Variants in MACROD2 observed in about 807,000 individuals in gnomAD.
The protein encoded by MACROD2 is mono-ADP ribosylhydrolase 2.
Under a neutral mutation model 70.4 loss-of-function variants are expected in MACROD2, and 36 were observed. That is an observed-to-expected ratio of 0.51 (90% CI 0.39 to 0.68). The LOEUF (loss-of-function observed/expected upper bound fraction) is 0.68, where lower values mean the gene tolerates loss of function less well. Among genes scored for constraint, MACROD2 ranks in the 30% least tolerant of loss-of-function variants. The probability of loss-of-function intolerance (pLI) is 0.00; values close to 1 mark genes in which losing one functional copy is unlikely to be tolerated. For missense variants in MACROD2, 496 were observed against 538.4 expected (o/e 0.92, Z 0.78); for synonymous variants, 172 against 178.8 (o/e 0.96, Z 0.30).
chr20:14,477,688 CATT>C (rs1386233441), intron 3 of MACROD2, among the ~76,000 whole-genome samples: 1 of 151,970 alleles, frequency 6.6e-6, no homozygotes, highest in Admixed American at 6.6e-5. Context: ...ACACTGGCAT[CATT>C]ATCGTTAATA....
intron 5 of MACROD2, among the ~76,000 whole-genome samples, chr20:14,895,799 A>G (rs998345953): frequency 1.8e-4 from 27 of 152,160 alleles, no homozygotes; most frequent in African/African-American, 6.5e-4. Flanking sequence ...GTTCCTTTCT[A>G]GTTGAGATTT....
intron 4 of MACROD2, among the ~76,000 whole-genome samples, chr20:14,591,523 A>G (rs771826026): frequency 1.3e-5 from 2 of 152,226 alleles, no homozygotes; most frequent in Non-Finnish European, 1.5e-5. Context: ...CTGTGCTTAA[A>G]TCTGGCCACC....
At chr20:14,390,156 A>G (rs2083511440) in intron 3 of MACROD2, among the ~76,000 whole-genome samples, 1 of 152,220 alleles carries the variant, frequency 6.6e-6, no homozygotes, top group South Asian at 2.1e-4. Context: ...AATTGCCACA[A>G]AAAGAATAAA....
At chr20:16,018,810 G>T (rs949084626) in intron 15 of MACROD2, among the ~76,000 whole-genome samples, 2 of 151,742 alleles carry the variant, frequency 1.3e-5, no homozygotes, top group Non-Finnish European at 2.9e-5. Flanking sequence ...GGAAATAATT[G>T]TTGCCCCCCT....
At chr20:14,774,418 AAG>A in intron 5 of MACROD2, among the ~76,000 whole-genome samples, 1 of 152,146 alleles carries the variant, frequency 6.6e-6, no homozygotes, top group South Asian at 2.1e-4. Context: ...ATATTGGGGT[AAG>A]AGAACTGTAA....
chr20:14,793,929 G>T (rs1451487980), intron 5 of MACROD2, among the ~76,000 whole-genome samples: 1 of 152,034 alleles, frequency 6.6e-6, no homozygotes, highest in East Asian at 1.9e-4. Context: ...AAAGGAAGGA[G>T]TAGGTCTTCT....
intron 13 of MACROD2, 94 bp downstream of exon 13, chr20:15,967,724 G>GA: frequency 9.3e-7 from 1 of 1,078,286 alleles, no homozygotes; most frequent in Non-Finnish European, 1.3e-6. Flanking sequence ...AATTTTTCTG[G>GA]AAAAATATTG....
chr20:15,247,783 C>G (rs1001680564), intron 6 of MACROD2, among the ~76,000 whole-genome samples: 2 of 152,058 alleles, frequency 1.3e-5, no homozygotes, highest in Non-Finnish European at 2.9e-5. Flanking sequence ...CTGCAACCTC[C>G]ACCTCCCAGG....
At chr20:14,348,305 A>G (rs1277259166) in intron 3 of MACROD2, among the ~76,000 whole-genome samples, 1 of 151,726 alleles carries the variant, frequency 6.6e-6, no homozygotes, top group Non-Finnish European at 1.5e-5. Context: ...GAAAGAAAGA[A>G]AGAAAAGAAA....
chr20:14,520,963 A>ACG (rs1450170145), intron 4 of MACROD2, among the ~76,000 whole-genome samples: 1 of 94,964 alleles, frequency 1.1e-5, no homozygotes, highest in East Asian at 2.9e-4. Flanking sequence ...GCGCGCACAC[A>ACG]CACACACACA....
chr20:14,665,826 C>T (rs922348447), intron 4 of MACROD2, among the ~76,000 whole-genome samples: 1 of 152,058 alleles, frequency 6.6e-6, no homozygotes, highest in South Asian at 2.1e-4. Context: ...CCATTCAAAA[C>T]ATGTCCATTT....
intron 8 of MACROD2, among the ~76,000 whole-genome samples, chr20:15,638,473 T>C (rs2049404018): frequency 6.6e-6 from 1 of 152,194 alleles, no homozygotes; most frequent in Non-Finnish European, 1.5e-5. Flanking sequence ...TCATAGGCCA[T>C]GAGTCTGAAT....
chr20:15,518,978 A>G (rs16995871), intron 8 of MACROD2, among the ~76,000 whole-genome samples: 8,299 of 152,136 alleles, frequency 0.055, 750 homozygotes, highest in African/African-American at 0.19. Context: ...AACATTTACT[A>G]TTTTCTATGT....
chr20:14,783,865 G>A (rs2072331649), intron 5 of MACROD2, among the ~76,000 whole-genome samples: 2 of 152,078 alleles, frequency 1.3e-5, no homozygotes, highest in African/African-American at 2.4e-5. Flanking sequence ...AGGGATCTGG[G>A]CTACTTTTAC....
At chr20:14,159,470 AT>A (rs1348782492) in intron 3 of MACROD2, among the ~76,000 whole-genome samples, 2 of 151,792 alleles carry the variant, frequency 1.3e-5, no homozygotes, top group Admixed American at 6.6e-5. Flanking sequence ...ATTCTTAGGT[AT>A]TTTTTTGTGG....
chr20:14,975,293 G>T (rs1176139728), intron 5 of MACROD2, among the ~76,000 whole-genome samples: 1 of 152,084 alleles, frequency 6.6e-6, no homozygotes, highest in Non-Finnish European at 1.5e-5. Flanking sequence ...ACAGACACTT[G>T]GGGAGTGTGA....
At chr20:16,047,693 G>T (rs1240314830) in intron 17 of MACROD2, among the ~76,000 whole-genome samples, 1 of 152,086 alleles carries the variant, frequency 6.6e-6, no homozygotes, top group Non-Finnish European at 1.5e-5. Context: ...CCCTCAAGCA[G>T]ATGAACTGTC....
chr20:13,996,537 A>T (rs1284550754), intron 1 of MACROD2: 4 of 152,358 alleles, frequency 2.6e-5, no homozygotes, highest in African/African-American at 9.7e-5. Context: ...TTTGTGACTA[A>T]TGTCACTCTG....
At chr20:15,657,593 A>T (rs464735) in intron 8 of MACROD2, among the ~76,000 whole-genome samples, 73,543 of 152,094 alleles carry the variant, frequency 0.48, 18,263 homozygotes, top group Non-Finnish European at 0.54. Context: ...GTATGTGAAG[A>T]TCAAAATTTA....
Sources: allele counts gnomAD v4.1 joint callset (sites outside exome capture counted in the v4.1 genomes callset), GRCh38; gene constraint gnomAD v4.1.1; transcripts MANE v1.5; gene names NCBI Gene and HGNC (gene_info 2026-07-23, HGNC 2026-07-21).